The following SERTM2 variants were observed in gnomAD, a reference collection of about 807,000 sequenced individuals.
SERTM2 encodes the protein serine-rich and transmembrane domain-containing protein 2.
At position 111,522,336 on chromosome X, in the gene SERTM2, G is replaced by T. The variant is rs752000520; in HGVS notation, c.*3206G>T. 47 of 111,661 alleles carry T rather than the reference G, an allele frequency of 4.2e-4. No homozygotes were observed. Among genetic ancestry groups the T allele is most frequent in the African/African-American group, 1.5e-3 (46 of 30,725 alleles). 9.2% of individuals were successfully genotyped at this position (111,661 alleles called of 1,213,427 possible). On this transcript the variant is annotated 3_prime_UTR_variant, in exon 3 of 3. Transcript: ENST00000569275. ...ATTGTATAAAAATGGAAATATATTT[G>T]CATTAATATTTAGCATGTCATTTTT...
chrX:111,511,696 G>T lies in SERTM2; in HGVS notation c.-1019G>T, dbSNP rs191392786. On this transcript the variant is annotated 5_prime_UTR_variant, in exon 1 of 3. Transcript: ENST00000569275. ...CCGCATACTCTAAACTGTTGCCTGC[G>T]AAAGAGGAACTGGGGACTTAGACTA... 31 of 148,610 alleles carry T rather than the reference G, an allele frequency of 2.1e-4. No homozygotes were observed. Among genetic ancestry groups the T allele is most frequent in the Non-Finnish European group, 3.8e-4 (29 of 77,177 alleles). 12.2% of individuals were successfully genotyped at this position (148,610 alleles called of 1,213,427 possible). A position where few individuals can be genotyped will look rare whatever the true frequency, so the allele number is the denominator to read the frequency against.
rs988242456 is a variant in SERTM2, at chrX:111,518,714, T to G, written c.-144T>G. Reference sequence around the variant, plus strand: ...GCATCACCATTTTCTGCTTGTGTGCTATTGCCTTAGCTCTGAGAGTGATTG... The same window carrying G: ...GCATCACCATTTTCTGCTTGTGTGCGATTGCCTTAGCTCTGAGAGTGATTG... On this transcript the variant is annotated 5_prime_UTR_variant, in exon 3 of 3. Coordinates refer to ENST00000569275, the MANE Select transcript of SERTM2 (RefSeq NM_001354473.2). The G allele has an allele frequency of 6.8e-5, 20 of 293,848 alleles. No individual in the cohort carries two copies. The highest frequency in any genetic ancestry group is 5.5e-4 in the African/African-American group (20 of 36,351). The allele number at this position is 293,848 out of a possible 1,213,427, so 24.2% of individuals were successfully genotyped here.
At position 111,519,317 on chromosome X, in the gene SERTM2, G is replaced by A. The variant is rs763747222; in HGVS notation, c.*187G>A. On this transcript the variant is annotated 3_prime_UTR_variant, in exon 3 of 3. Coordinates refer to ENST00000569275, the MANE Select transcript of SERTM2 (RefSeq NM_001354473.2). Reference sequence around the variant, plus strand: ...ACTCTGCTTGTGGGCTATCTAAAACGTTTAAGACTCACTCTGAAAGGAATA... The same window carrying A: ...ACTCTGCTTGTGGGCTATCTAAAACATTTAAGACTCACTCTGAAAGGAATA... 6 of 266,195 alleles carry A rather than the reference G, an allele frequency of 2.3e-5. No homozygotes were observed. The highest frequency in any genetic ancestry group is 4.0e-5 in the Non-Finnish European group (6 of 151,220). The allele number at this position is 266,195 out of a possible 1,213,427, so 21.9% of individuals were successfully genotyped here.
In SERTM2 at chrX:111,518,739, G is replaced by T; in HGVS notation, c.-119G>T. The T allele has an allele frequency of 3.4e-6, 1 of 295,729 alleles. No homozygotes were observed. The highest frequency in any genetic ancestry group is 2.2e-4 in the South Asian group (1 of 4,573). 24.4% of individuals were successfully genotyped at this position (295,729 alleles called of 1,213,427 possible). A position where few individuals can be genotyped will look rare whatever the true frequency, so the allele number is the denominator to read the frequency against. ...TATTGCCTTAGCTCTGAGAGTGATT[G>T]GTTTTTACCAGATTGTTAGAACACG... On this transcript the variant is annotated 5_prime_UTR_variant, in exon 3 of 3. Coordinates refer to ENST00000569275, the MANE Select transcript of SERTM2 (RefSeq NM_001354473.2).
At chrX:111,517,156 C>T (rs1184740953) in intron 2 of SERTM2, among the ~76,000 whole-genome samples, 1 of 110,910 alleles carries the variant, frequency 9.0e-6, no homozygotes, top group Non-Finnish European at 1.9e-5. Context: ...TGGTCTATAA[C>T]TATTGGGGGG....
chrX:111,512,807 G>T (rs1439300062), intron 2 of SERTM2, among the ~76,000 whole-genome samples: 1 of 111,324 alleles, frequency 9.0e-6, no homozygotes, highest in African/African-American at 3.3e-5. Flanking sequence ...TCATGATCTA[G>T]GAGTGTATGT....
chrX:111,515,528 A>G (rs1208359241), intron 2 of SERTM2, among the ~76,000 whole-genome samples: 1 of 111,560 alleles, frequency 9.0e-6, no homozygotes, highest in African/African-American at 3.3e-5. Flanking sequence ...TTCTATTTGT[A>G]GACTGGTGTT....
At position 111,521,975 on chromosome X, in the gene SERTM2, T is replaced by G. The variant is rs183985299; in HGVS notation, c.*2845T>G. On this transcript the variant is annotated 3_prime_UTR_variant, in exon 3 of 3. Transcript: ENST00000569275. ...GAATCATGGGTTGTACAAAATGAAG[T>G]ATATTGTAAAAGGCTTATGTATTAT... The G allele has an allele frequency of 5.4e-5, 6 of 111,703 alleles. No individual in the cohort carries two copies. In the Admixed American group the frequency reaches 5.7e-4, roughly 11 times the overall value. The allele number at this position is 111,703 out of a possible 1,213,427, so 9.2% of individuals were successfully genotyped here.
At chrX:111,512,306 C>T (rs778439084) in intron 2 of SERTM2, among the ~76,000 whole-genome samples, 1 of 112,019 alleles carries the variant, frequency 8.9e-6, no homozygotes, top group African/African-American at 3.2e-5. Context: ...ACTAGACACA[C>T]TTCTCTCTCT....
intron 2 of SERTM2, among the ~76,000 whole-genome samples, chrX:111,517,161 G>C (rs1327711623): frequency 9.0e-6 from 1 of 110,780 alleles, no homozygotes; most frequent in African/African-American, 3.3e-5. Context: ...TATAACTATT[G>C]GGGGGAAATG....
At chrX:111,517,341 G>A (rs775320251) in intron 2 of SERTM2, among the ~76,000 whole-genome samples, 16 of 111,758 alleles carry the variant, frequency 1.4e-4, no homozygotes, top group East Asian at 2.8e-4. Flanking sequence ...TTCAGTGCTA[G>A]GCTTTCTGGT....
Position 111,511,791 on chromosome X carries a change from C to G in SERTM2, c.-924C>G. On this transcript the variant is annotated 5_prime_UTR_variant, in exon 1 of 3. Coordinates refer to ENST00000569275, the MANE Select transcript of SERTM2 (RefSeq NM_001354473.2). The stretch of plus-strand genomic sequence containing the variant: ...TCCAAACAGACTTCTCTTTGCTTTT[C>G]AGAGCTTATAAGGAGCAGGCATCTG... The G allele has an allele frequency of 3.9e-6, 1 of 253,330 alleles. No individual in the cohort carries two copies. Among genetic ancestry groups the G allele is most frequent in the East Asian group, 5.7e-5 (1 of 17,534 alleles). 20.9% of individuals were successfully genotyped at this position (253,330 alleles called of 1,213,427 possible).
rs1213022421 is a variant in SERTM2, at chrX:111,521,429, G to A, written c.*2299G>A. On this transcript the variant is annotated 3_prime_UTR_variant, in exon 3 of 3. Coordinates refer to ENST00000569275, the MANE Select transcript of SERTM2 (RefSeq NM_001354473.2). ...CCCAATTTCCAGTGACAATATAAATGGAAATGCTTTTAAGCAGATGTGTCA... is the reference window on the plus strand; with the variant it reads ...CCCAATTTCCAGTGACAATATAAATAGAAATGCTTTTAAGCAGATGTGTCA... The A allele has an allele frequency of 9.0e-6, 1 of 111,196 alleles. No homozygotes were observed. The highest frequency in any genetic ancestry group is 2.8e-4 in the East Asian group (1 of 3,524). 9.2% of individuals were successfully genotyped at this position (111,196 alleles called of 1,213,427 possible).
At chrX:111,512,358 T>C (rs1425543073) in intron 2 of SERTM2, among the ~76,000 whole-genome samples, 1 of 112,210 alleles carries the variant, frequency 8.9e-6, no homozygotes, top group Non-Finnish European at 1.9e-5. Context: ...ATAAATAGAA[T>C]GTATTAACTC....
At chrX:111,517,275 T>G (rs927099856) in intron 2 of SERTM2, among the ~76,000 whole-genome samples, 4 of 111,291 alleles carry the variant, frequency 3.6e-5, no homozygotes, top group African/African-American at 1.3e-4. Flanking sequence ...AAAGTAACAA[T>G]TGTCACTGGG....
At chrX:111,513,750 C>T (rs754703643) in intron 2 of SERTM2, among the ~76,000 whole-genome samples, 5 of 111,386 alleles carry the variant, frequency 4.5e-5, no homozygotes, top group South Asian at 3.7e-4. Context: ...TTTGGTCTCC[C>T]GAAGACTGTA....
At chrX:111,512,204 C>A (rs896591145) in intron 2 of SERTM2, 110 bp downstream of exon 2, 3 of 282,409 alleles carry the variant, frequency 1.1e-5, no homozygotes, top group African/African-American at 5.5e-5. Context: ...GAAGATACAG[C>A]AACTCCTACT....
intron 2 of SERTM2, 85 bp from the exon 3 acceptor site, chrX:111,517,990 A>G (rs1228431617): frequency 8.9e-6 from 1 of 112,199 alleles, no homozygotes; most frequent in Non-Finnish European, 1.9e-5. Context: ...TTTGCAATTT[A>G]TCAATTTATT....
chrX:111,512,347 T>C (rs1398542793), intron 2 of SERTM2, among the ~76,000 whole-genome samples: 2 of 112,138 alleles, frequency 1.8e-5, no homozygotes, highest in African/African-American at 6.5e-5. Context: ...GGAAGATAAA[T>C]ATAAATAGAA....
Sources: gnomAD v4.1 joint callset for allele counts (sites outside exome capture counted in the v4.1 genomes callset) on GRCh38, gnomAD v4.1.1 for gene constraint, MANE v1.5 for transcripts, NCBI Gene and HGNC (gene_info 2026-07-23, HGNC 2026-07-21) for gene names.